GPC5: variants seen among roughly 807,000 people sequenced by gnomAD.
GPC5 encodes glypican-5.
A neutral mutation model predicts 53.9 loss-of-function variants in GPC5; 47 were observed. That is an observed-to-expected ratio of 0.87 (90% confidence interval 0.69 to 1.11). The LOEUF (loss-of-function observed/expected upper bound fraction) is 1.11, where lower values mean the gene tolerates loss of function less well. Ranked by LOEUF, GPC5 falls within the 50% of genes most tolerant of loss-of-function variation. The probability of loss-of-function intolerance (pLI) is 0.00; values close to 1 mark genes in which losing one functional copy is unlikely to be tolerated. For missense variants in GPC5, 748 were observed against 713.1 expected, an observed-to-expected ratio of 1.05 and a Z score of -0.56; for synonymous variants, 286 against 263.3, an observed-to-expected ratio of 1.09 and a Z score of -0.84.
intron 7 of GPC5, among the ~76,000 whole-genome samples, chr13:92,535,325 T>G (rs1378346331): frequency 6.6e-6 from 1 of 152,144 alleles, no homozygotes; most frequent in Non-Finnish European, 1.5e-5. Context: ...TAGGTCTTCC[T>G]GCTTGCTGCG....
chr13:91,718,717 C>T (rs1338984781), intron 3 of GPC5, among the ~76,000 whole-genome samples: 2 of 152,188 alleles, frequency 1.3e-5, no homozygotes, highest in Non-Finnish European at 2.9e-5. Context: ...CTCTTGCCCT[C>T]AGGGTAGAAT....
intron 6 of GPC5, among the ~76,000 whole-genome samples, chr13:92,014,563 G>T (rs1415633007): frequency 3.3e-5 from 5 of 152,072 alleles, no homozygotes; most frequent in African/African-American, 1.2e-4. Flanking sequence ...CTTGAGATTT[G>T]AAGGGTTTTC....
At chr13:91,399,248 C>A (rs751061217) in intron 1 of GPC5, 39 bp downstream of exon 1, 2 of 1,593,112 alleles carry the variant, frequency 1.3e-6, no homozygotes, top group Non-Finnish European at 8.5e-7. Context: ...TGGCGGCGTC[C>A]GAGCCCGGCC....
At chr13:91,882,050 T>G (rs1271502365) in intron 5 of GPC5, among the ~76,000 whole-genome samples, 1 of 152,206 alleles carries the variant, frequency 6.6e-6, no homozygotes, top group Non-Finnish European at 1.5e-5. Context: ...TTTGAGATTA[T>G]CTTTCTAATA....
intron 6 of GPC5, among the ~76,000 whole-genome samples, chr13:92,048,535 G>A (rs1359669): frequency 0.44 from 67,113 of 151,892 alleles, 15,175 homozygotes; most frequent in Admixed American, 0.52. Flanking sequence ...ATCTCTGCAG[G>A]AAGCCAACAC....
chr13:92,280,951 T>A lies in GPC5; in HGVS notation c.1561+135962T>A, dbSNP rs369545807. On this transcript the variant is annotated intron_variant, in intron 7 of 7. Transcript: ENST00000377067. ...GCCTAAGCCAAAGCAGGGCAAGGCA[T>A]CGCCTCACCCAGGAAGTGCGAGGGG... Among the ~76,000 whole-genome samples the A allele has an allele frequency of 1.4e-4, 21 of 152,262 alleles. No individual in the cohort carries two copies. The East Asian group carries it at 4.1e-3, about 29-fold the overall frequency.
At chr13:92,802,797 C>G (rs1876957480) in intron 7 of GPC5, among the ~76,000 whole-genome samples, 1 of 151,946 alleles carries the variant, frequency 6.6e-6, no homozygotes, top group Non-Finnish European at 1.5e-5. Flanking sequence ...AGTACTATAT[C>G]TATTTAAAAT....
At chr13:91,985,399 CTT>C (rs2040397672) in intron 6 of GPC5, among the ~76,000 whole-genome samples, 1 of 144,536 alleles carries the variant, frequency 6.9e-6, no homozygotes, top group Admixed American at 6.9e-5. Flanking sequence ...GTGTGACAAT[CTT>C]TGCCTTTTAA....
intron 7 of GPC5, among the ~76,000 whole-genome samples, chr13:92,315,723 A>C (rs888133159): frequency 3.9e-5 from 6 of 152,218 alleles, no homozygotes; most frequent in Non-Finnish European, 8.8e-5. Flanking sequence ...ATTGGATGAG[A>C]TATGGATTGG....
At position 91,542,850 on chromosome 13, in the gene GPC5, A is replaced by ATTT. The variant is rs3055888; in HGVS notation, c.325+93950_325+93952dup. On this transcript the variant is annotated intron_variant, in intron 2 of 7. Transcript: ENST00000377067. ...AGGCATGCATCACCATGCCCAGCCA[A>ATTT]TTTTTTTTTTTTTTTTTTTTTTTTG... 4.8e-4 allele frequency among the ~76,000 whole-genome samples: 33 copies of ATTT among 68,212 alleles called. 1 individual carries two copies. The highest frequency in any genetic ancestry group is 1.2e-3 in the African/African-American group (23 of 18,720). 44.7% of individuals were successfully genotyped at this position (68,212 alleles called of 152,430 possible). A position where few individuals can be genotyped will look rare whatever the true frequency, so the allele number is the denominator to read the frequency against.
intron 5 of GPC5, among the ~76,000 whole-genome samples, chr13:91,840,470 G>A (rs2038773060): frequency 6.6e-6 from 1 of 152,058 alleles, no homozygotes; most frequent in Admixed American, 6.6e-5. Flanking sequence ...TTAACGGTTT[G>A]AGGATATAAT....
At chr13:92,442,137 T>C (rs1308540224) in intron 7 of GPC5, among the ~76,000 whole-genome samples, 2 of 152,214 alleles carry the variant, frequency 1.3e-5, no homozygotes, top group African/African-American at 2.4e-5. Flanking sequence ...AAATAATTGC[T>C]GAAGGCTAGG....
chr13:91,837,666 A>T (rs560005714), intron 5 of GPC5, among the ~76,000 whole-genome samples: 2 of 152,290 alleles, frequency 1.3e-5, no homozygotes, highest in African/African-American at 4.8e-5. Flanking sequence ...TAACTTTTCA[A>T]CATGTCTAAA....
chr13:91,622,801 A>T (rs1203826545), intron 2 of GPC5, among the ~76,000 whole-genome samples: 2 of 152,154 alleles, frequency 1.3e-5, no homozygotes, highest in Non-Finnish European at 1.5e-5. Context: ...TTATGGAGAG[A>T]AAAGTCCACT....
chr13:91,522,404 T>C (rs1885867574), intron 2 of GPC5, among the ~76,000 whole-genome samples: 1 of 152,190 alleles, frequency 6.6e-6, no homozygotes, highest in Non-Finnish European at 1.5e-5. Flanking sequence ...AGACCAAATA[T>C]GTATCTTATA....
chr13:92,281,596 C>A (rs772746258), intron 7 of GPC5, among the ~76,000 whole-genome samples: 7 of 152,158 alleles, frequency 4.6e-5, no homozygotes, highest in Non-Finnish European at 8.8e-5. Context: ...CAGCAATATT[C>A]GCTGTTCTGC....
intron 1 of GPC5, among the ~76,000 whole-genome samples, chr13:91,414,474 G>A (rs1054270218): frequency 3.9e-5 from 6 of 152,180 alleles, no homozygotes; most frequent in Admixed American, 2.0e-4. Context: ...ATACAGTGAT[G>A]TTTCCATATG....
intron 7 of GPC5, among the ~76,000 whole-genome samples, chr13:92,699,156 G>C (rs1887651509): frequency 6.6e-6 from 1 of 152,086 alleles, no homozygotes; most frequent in Non-Finnish European, 1.5e-5. Flanking sequence ...TTAGTCTTGG[G>C]AGGGTGTATA....
intron 6 of GPC5, among the ~76,000 whole-genome samples, chr13:92,075,505 T>C (rs1163208006): frequency 6.6e-6 from 1 of 152,190 alleles, no homozygotes; most frequent in Non-Finnish European, 1.5e-5. Flanking sequence ...AATCAATATT[T>C]ACCTATAAGG....
Sources: allele counts gnomAD v4.1 joint callset (sites outside exome capture counted in the v4.1 genomes callset), GRCh38; gene constraint gnomAD v4.1.1; transcripts MANE v1.5; gene names NCBI Gene and HGNC (gene_info 2026-07-23, HGNC 2026-07-21).